PRKN: variants seen among roughly 807,000 people sequenced by gnomAD.
The protein encoded by PRKN is E3 ubiquitin-protein ligase parkin.
A neutral mutation model predicts 59.5 loss-of-function variants in PRKN; 56 were observed. The observed-to-expected ratio is 0.94, with a 90% CI of 0.76 to 1.18. The LOEUF is 1.18. Among genes scored for constraint, PRKN ranks in the 50% most tolerant of loss-of-function variants. The pLI, the probability that PRKN is intolerant of heterozygous loss-of-function variation, is 0.00. For synonymous variants in PRKN, 250 were observed against 222.1 expected, an observed-to-expected ratio of 1.13 and a Z score of -1.12; for missense variants, 657 against 596.4, an observed-to-expected ratio of 1.10 and a Z score of -1.06.
At chr6:162,610,741 C>T (rs561480723) in intron 1 of PRKN, among the ~76,000 whole-genome samples, 63 of 152,110 alleles carry the variant, frequency 4.1e-4, no homozygotes, top group African/African-American at 1.5e-3. Flanking sequence ...TTCATGTTAG[C>T]ATTTTTATTT....
At chr6:162,662,255 T>A (rs1017063965) in intron 1 of PRKN, among the ~76,000 whole-genome samples, 7 of 151,928 alleles carry the variant, frequency 4.6e-5, no homozygotes, top group African/African-American at 1.7e-4. Context: ...GAGATTTTTT[T>A]AATGAGGTTA....
chr6:162,062,040 A>G (rs567600751), intron 4 of PRKN, among the ~76,000 whole-genome samples: 2 of 152,332 alleles, frequency 1.3e-5, no homozygotes, highest in South Asian at 2.1e-4. Flanking sequence ...AAAGTAACAT[A>G]TGACTCAGTT....
chr6:162,023,431 A>C (rs1052623107), intron 5 of PRKN, among the ~76,000 whole-genome samples: 1 of 152,072 alleles, frequency 6.6e-6, no homozygotes, highest in Non-Finnish European at 1.5e-5. Flanking sequence ...AGCAAGAAGG[A>C]AGACGGTTTT....
chr6:162,560,284 C>G (rs191025559), intron 1 of PRKN, among the ~76,000 whole-genome samples: 313 of 152,304 alleles, frequency 2.1e-3, no homozygotes, highest in Non-Finnish European at 3.6e-3. Flanking sequence ...AAATAATACA[C>G]ATGCTTTATG....
At chr6:162,587,535 A>T (rs1781113123) in intron 1 of PRKN, among the ~76,000 whole-genome samples, 1 of 152,292 alleles carries the variant, frequency 6.6e-6, no homozygotes, top group Non-Finnish European at 1.5e-5. Flanking sequence ...TAAAACATAG[A>T]GTCTCGGGAA....
At position 161,499,161 on chromosome 6, in the gene PRKN, G is replaced by A. The variant is rs187544272; in HGVS notation, c.1083+49693C>T. Among the ~76,000 whole-genome samples the A allele has an allele frequency of 2.5e-4, 38 of 149,848 alleles. No homozygotes were observed. The East Asian group carries it at 7.3e-3, about 29-fold the overall frequency. On this transcript the variant is annotated intron_variant, in intron 9 of 11. Transcript: ENST00000366898. This position sits in a 1 kb window ranked among gnomAD's most constrained non-coding sequence, Gnocchi z 4.2. ...TTTTTTTTTTTTTGGCTCACAGAGT[G>A]CTTGAAAAGAATCTAAGACAACATT...
intron 7 of PRKN, among the ~76,000 whole-genome samples, chr6:161,633,959 T>C (rs1465473191): frequency 3.3e-5 from 5 of 150,290 alleles, no homozygotes; most frequent in Non-Finnish European, 5.9e-5. Flanking sequence ...TGTGTGTACG[T>C]CACATGAGGA....
chr6:161,574,018 C>A (rs1463201231), intron 7 of PRKN, among the ~76,000 whole-genome samples: 2 of 151,460 alleles, frequency 1.3e-5, no homozygotes, highest in African/African-American at 4.9e-5. Context: ...ACATCTTTAA[C>A]AGAAGACTAG....
intron 9 of PRKN, among the ~76,000 whole-genome samples, chr6:161,398,317 T>C (rs1005033774): frequency 2.0e-5 from 3 of 152,142 alleles, no homozygotes; most frequent in African/African-American, 4.8e-5. Context: ...CGCCCATCCA[T>C]GTTGATAACT....
In PRKN at chr6:161,860,594, G is replaced by GT. The variant is rs922564991; in HGVS notation, c.735-74687dup. Among the ~76,000 whole-genome samples the GT allele has an allele frequency of 9.6e-4, 146 of 151,918 alleles. 1 individual carries two copies. The highest frequency in any genetic ancestry group is 1.7e-3 in the Non-Finnish European group (114 of 67,950). ...TCCTAGTTTTAAAACCTTGGAGTCT[G>GT]TTTTTTTTCTTGTAAATTTGTTGAA... On this transcript the variant is annotated intron_variant, in intron 6 of 11. Transcript: ENST00000366898.
At chr6:161,490,239 G>A (rs756814614) in intron 9 of PRKN, among the ~76,000 whole-genome samples, 8 of 152,004 alleles carry the variant, frequency 5.3e-5, no homozygotes, top group Non-Finnish European at 8.8e-5. Context: ...TGGCATGCTC[G>A]CTCCCAGCAC....
intron 7 of PRKN, among the ~76,000 whole-genome samples, chr6:161,638,738 A>AT (rs386409169): frequency 0.026 from 2,642 of 100,048 alleles, 225 homozygotes; most frequent in African/African-American, 0.095. Context: ...ACGAGATCTG[A>AT]TTTTTTTTTT....
At chr6:161,418,487 T>C (rs1787953135) in intron 9 of PRKN, among the ~76,000 whole-genome samples, 1 of 152,190 alleles carries the variant, frequency 6.6e-6, no homozygotes, top group Admixed American at 6.5e-5. Context: ...CTCTTTGAAA[T>C]CAAAACATTC....
chr6:162,071,963 C>G (rs944697762), intron 4 of PRKN, among the ~76,000 whole-genome samples: 2 of 152,108 alleles, frequency 1.3e-5, no homozygotes, highest in Non-Finnish European at 1.5e-5. Flanking sequence ...GGAATCACTA[C>G]CAAACACTAT....
intron 2 of PRKN, among the ~76,000 whole-genome samples, chr6:162,349,527 C>A (rs1429480226): frequency 6.6e-6 from 1 of 152,150 alleles, no homozygotes. Context: ...GAAGCCACCA[C>A]TGCCATAATA....
In PRKN at chr6:161,823,964, C is replaced by G. The variant is rs141937740; in HGVS notation, c.735-38056G>C. 3.6e-4 allele frequency among the ~76,000 whole-genome samples: 55 copies of G among 152,312 alleles called. No homozygotes were observed. The East Asian group carries it at 9.4e-3, about 26-fold the overall frequency. On this transcript the variant is annotated intron_variant, in intron 6 of 11. Coordinates refer to ENST00000366898, the MANE Select transcript of PRKN (RefSeq NM_004562.3). ...CTGGTAGAAATCCCCCTGTGTCAGG[C>G]GGCCTTGGAGTGGTAATGGGTATTT...
chr6:162,530,830 G>A (rs938766442), intron 1 of PRKN, among the ~76,000 whole-genome samples: 2 of 152,164 alleles, frequency 1.3e-5, no homozygotes, highest in African/African-American at 4.8e-5. Flanking sequence ...GCCGAGGTGG[G>A]TGGAATGCCT....
intron 6 of PRKN, among the ~76,000 whole-genome samples, chr6:161,945,610 C>A (rs1779749874): frequency 6.6e-6 from 1 of 152,170 alleles, no homozygotes; most frequent in Non-Finnish European, 1.5e-5. Context: ...TCTCAAATTT[C>A]TCTCCCAGGT....
intron 1 of PRKN, among the ~76,000 whole-genome samples, chr6:162,697,152 T>C (rs1777999706): frequency 6.6e-6 from 1 of 152,130 alleles, no homozygotes; most frequent in African/African-American, 2.4e-5. Flanking sequence ...AGGTCACATA[T>C]AAGTAAAATT....
Sources: gnomAD v4.1 joint callset for allele counts (sites outside exome capture counted in the v4.1 genomes callset) on GRCh38, gnomAD v4.1.1 for gene constraint, Gnocchi (gnomAD v3.1) non-coding constraint, MANE v1.5 for transcripts, NCBI Gene and HGNC (gene_info 2026-07-23, HGNC 2026-07-21) for gene names.